The following MND1 variants were observed in gnomAD, a reference collection of about 807,000 sequenced individuals.
The protein encoded by MND1 is meiotic nuclear division protein 1 homolog.
Under a neutral mutation model 35.1 loss-of-function variants are expected in MND1, and 28 were observed. That is an observed-to-expected ratio of 0.80 (90% confidence interval 0.59 to 1.09). MND1 has a LOEUF of 1.09. Among genes scored for constraint, MND1 ranks in the 50% least tolerant of loss-of-function variants. The pLI is 0.00. For synonymous variants in MND1, 69 were observed against 70.5 expected (o/e 0.98, Z 0.11); for missense variants, 213 against 239.6 (o/e 0.89, Z 0.73).
intron 6 of MND1, among the ~76,000 whole-genome samples, chr4:153,406,292 C>G (rs1274770210): frequency 6.6e-6 from 1 of 152,112 alleles, no homozygotes; most frequent in East Asian, 1.9e-4. Flanking sequence ...GAGGCCAAGG[C>G]AGGTGGATCA....
chr4:153,358,038 AGTTTT>A (rs1343295681), intron 3 of MND1, among the ~76,000 whole-genome samples: 2 of 152,174 alleles, frequency 1.3e-5, no homozygotes, highest in Non-Finnish European at 2.9e-5. Flanking sequence ...GCATTTCTGT[AGTTTT>A]GTTTTGCTTT....
At position 153,382,399 on chromosome 4, in the gene MND1, C is replaced by T. The variant is rs895388438; in HGVS notation, c.277-11863C>T. Among the ~76,000 whole-genome samples the T allele has an allele frequency of 7.2e-5, 11 of 152,264 alleles. No homozygotes were observed. In the East Asian group the frequency reaches 1.5e-3, roughly 21 times the overall value. ...AGCTAGTTTGCCATTAGAATGTGTT[C>T]GCTTGCTTTCTTCGCTCTTCTTTAG... On this transcript the variant is annotated intron_variant, in intron 4 of 7. Coordinates refer to ENST00000240488, the MANE Select transcript of MND1 (RefSeq NM_032117.4).
chr4:153,387,736 C>T (rs574074227), intron 4 of MND1, among the ~76,000 whole-genome samples: 17 of 152,000 alleles, frequency 1.1e-4, no homozygotes, highest in East Asian at 5.8e-4. Context: ...GGTGACAGAA[C>T]GAGACCCTGT....
At chr4:153,381,139 T>C (rs557538859) in intron 4 of MND1, among the ~76,000 whole-genome samples, 1 of 152,272 alleles carries the variant, frequency 6.6e-6, no homozygotes, top group African/African-American at 2.4e-5. Flanking sequence ...GACCTTGTGA[T>C]CCGCCTGCCT....
At chr4:153,381,464 A>G (rs1164307236) in intron 4 of MND1, among the ~76,000 whole-genome samples, 1 of 150,870 alleles carries the variant, frequency 6.6e-6, no homozygotes, top group Non-Finnish European at 1.5e-5. Context: ...TATTCTACAA[A>G]AAACTGGGCC....
At chr4:153,354,542 G>A (rs540670662) in intron 2 of MND1, among the ~76,000 whole-genome samples, 1 of 152,154 alleles carries the variant, frequency 6.6e-6, no homozygotes, top group East Asian at 1.9e-4. Context: ...CTATACTCTT[G>A]CCCAGGCTGG....
Position 153,397,326 on chromosome 4 carries a change from A to G in MND1, c.459A>G (p.Glu153=). Residue 153 remains glutamate (E), a synonymous_variant, in exon 6 of 8, where the codon GAA becomes GAG. Transcript: ENST00000240488. ...KYKDCDPQVV[E]EIRQANKVAK... ...AAGACTGTGATCCGCAAGTTGTGGA[A>G]GAAATACGTAAGTTTGTGTCATACC... 1 of 1,608,934 alleles carries G rather than the reference A, an allele frequency of 6.2e-7. No individual in the cohort carries two copies.
chr4:153,360,764 CATATACATATACACAT>C (rs1419540626), intron 4 of MND1, among the ~76,000 whole-genome samples: 4 of 137,500 alleles, frequency 2.9e-5, no homozygotes, highest in East Asian at 4.0e-4. Context: ...TATATACACA[CATATACATATACACAT>C]ATATACACAT....
intron 3 of MND1, among the ~76,000 whole-genome samples, chr4:153,357,779 A>C (rs953344325): frequency 2.0e-5 from 3 of 152,204 alleles, no homozygotes; most frequent in Admixed American, 6.5e-5. Context: ...AAGATGGAAA[A>C]ATTTATTGTA....
chr4:153,384,079 C>T (rs557767822), intron 4 of MND1, among the ~76,000 whole-genome samples: 3 of 152,216 alleles, frequency 2.0e-5, no homozygotes, highest in South Asian at 4.1e-4. Context: ...CTGGATTCTG[C>T]GTAAGCCTTT....
chr4:153,385,896 C>T (rs76605703), intron 4 of MND1, among the ~76,000 whole-genome samples: 3 of 152,108 alleles, frequency 2.0e-5, no homozygotes, highest in Non-Finnish European at 4.4e-5. Context: ...CTGTTTGCCT[C>T]GTTGTAGCTA....
intron 2 of MND1, among the ~76,000 whole-genome samples, chr4:153,351,509 A>T (rs894672399): frequency 2.0e-5 from 3 of 152,214 alleles, no homozygotes; most frequent in African/African-American, 7.2e-5. Context: ...GGGAAAAGTA[A>T]TGGAGGCCAT....
At chr4:153,355,498 C>G (rs1179585776) in intron 2 of MND1, among the ~76,000 whole-genome samples, 156 bp from the exon 3 acceptor site, 2 of 152,134 alleles carry the variant, frequency 1.3e-5, no homozygotes, top group Non-Finnish European at 2.9e-5. Context: ...ACCACAATTT[C>G]ATCATAACAC....
At chr4:153,370,540 G>A (rs952544043) in intron 4 of MND1, among the ~76,000 whole-genome samples, 1 of 151,932 alleles carries the variant, frequency 6.6e-6, no homozygotes. Context: ...TGTTTTTTGA[G>A]ATGGAGTCTC....
chr4:153,414,849 A>C lies in MND1; in HGVS notation c.610A>C (p.Ile204Leu), dbSNP rs375914595. ...TGGAATTCCAGAAGACTTTGACTAC[A>C]TAGACTAAAATATTCCATGGTGGTG... is the stretch of plus-strand genomic sequence containing the variant. ...TFGIPEDFDY[I>L]D Residue 204 changes from isoleucine (I) to leucine (L), a missense_variant, in exon 8 of 8, where the codon ATA becomes CTA. Physicochemically the swap from Ile to Leu is conservative, Grantham distance 5. Coordinates refer to ENST00000240488, the MANE Select transcript of MND1 (RefSeq NM_032117.4). 4 of 1,365,302 alleles carry C rather than the reference A, an allele frequency of 2.9e-6. No homozygotes were observed. Among genetic ancestry groups the C allele is most frequent in the Non-Finnish European group, 4.0e-6 (4 of 988,324 alleles). The allele number at this position is 1,365,302 out of a possible 1,614,324, so 84.6% of individuals were successfully genotyped here. A position where few individuals can be genotyped will look rare whatever the true frequency, so the allele number is the denominator to read the frequency against.
chr4:153,361,714 T>G, intron 4 of MND1: 1 of 359,090 alleles, frequency 2.8e-6, no homozygotes, highest in East Asian at 7.7e-5. Flanking sequence ...GGTGGGTGCC[T>G]GTAGTCCCAG....
intron 4 of MND1, among the ~76,000 whole-genome samples, chr4:153,379,304 A>AT (rs1728601129): frequency 6.9e-6 from 1 of 145,580 alleles, no homozygotes; most frequent in South Asian, 2.2e-4. Context: ...AAAAAAAAAA[A>AT]GAAGAAGAAG....
chr4:153,355,542 C>T (rs9307906), intron 2 of MND1, 112 bp from the exon 3 acceptor site: 32,545 of 660,318 alleles, frequency 0.049, 1,217 homozygotes, highest in South Asian at 0.12. Flanking sequence ...CACACATACC[C>T]TGTAAATGTA....
intron 2 of MND1, among the ~76,000 whole-genome samples, chr4:153,354,577 A>T (rs1411374487): frequency 6.6e-6 from 1 of 152,172 alleles, no homozygotes; most frequent in Non-Finnish European, 1.5e-5. Context: ...GTCATAGCTT[A>T]CTGCAGCCTC....
Sources: allele counts gnomAD v4.1 joint callset (sites outside exome capture counted in the v4.1 genomes callset), GRCh38; gene constraint gnomAD v4.1.1; transcripts MANE v1.5; gene names NCBI Gene and HGNC (gene_info 2026-07-23, HGNC 2026-07-21).